DMXL1: variants seen among roughly 807,000 people sequenced by gnomAD.
DMXL1 encodes dmX-like protein 1.
A neutral mutation model predicts 319.2 loss-of-function variants in DMXL1; 99 were observed. The ratio of observed to expected loss-of-function variants is 0.31; its 90% CI spans 0.26 to 0.37. DMXL1 has a LOEUF of 0.37. Ranked by LOEUF, DMXL1 falls within the 10% of genes least tolerant of loss-of-function variation. The pLI is 1.00. For missense variants in DMXL1, 3,745 were observed against 3,595.6 expected, an observed-to-expected ratio of 1.04 and a Z score of -1.06; for synonymous variants, 1,385 against 1,235.2, an observed-to-expected ratio of 1.12 and a Z score of -2.54.
chr5:119,235,354 G>C (rs1275829502), intron 39 of DMXL1, among the ~76,000 whole-genome samples: 1 of 152,092 alleles, frequency 6.6e-6, no homozygotes, highest in African/African-American at 2.4e-5. Context: ...AAACAGAAAA[G>C]AGTTATTGGA....
At chr5:119,218,811 C>CT (rs1185116097) in intron 35 of DMXL1, among the ~76,000 whole-genome samples, 1 of 152,176 alleles carries the variant, frequency 6.6e-6, no homozygotes, top group Non-Finnish European at 1.5e-5. Context: ...AATAATACCT[C>CT]TTGCTTTAAG....
At chr5:119,091,088 T>C (rs1455188237) in intron 1 of DMXL1, among the ~76,000 whole-genome samples, 1 of 152,224 alleles carries the variant, frequency 6.6e-6, no homozygotes. Context: ...GATGACTGAA[T>C]AGTTGTTTCC....
intron 32 of DMXL1, among the ~76,000 whole-genome samples, chr5:119,202,609 T>G (rs1224381675): frequency 6.6e-6 from 1 of 152,014 alleles, no homozygotes; most frequent in Non-Finnish European, 1.5e-5. Context: ...GCCAGCACTT[T>G]GGAAGGCCGA....
At chr5:119,201,668 C>T (rs984213136) in intron 32 of DMXL1, among the ~76,000 whole-genome samples, 2 of 151,982 alleles carry the variant, frequency 1.3e-5, no homozygotes, top group Non-Finnish European at 2.9e-5. Context: ...TTGTACATTT[C>T]GTAGAATTTG....
intron 1 of DMXL1, among the ~76,000 whole-genome samples, chr5:119,088,098 A>C (rs1171439242): frequency 6.6e-6 from 1 of 152,166 alleles, no homozygotes; most frequent in Non-Finnish European, 1.5e-5. Flanking sequence ...CACCAAGCCC[A>C]GCAGTGTTTG....
At chr5:119,239,462 C>T (rs75024393) in intron 41 of DMXL1, among the ~76,000 whole-genome samples, 4,224 of 152,230 alleles carry the variant, frequency 0.028, 183 homozygotes, top group African/African-American at 0.096. Context: ...TTGGTCCCCC[C>T]ACACAGTAGA....
At chr5:119,180,994 A>T (rs1776678365) in intron 28 of DMXL1, among the ~76,000 whole-genome samples, 1 of 152,216 alleles carries the variant, frequency 6.6e-6, no homozygotes, top group African/African-American at 2.4e-5. Context: ...AATTTCATCC[A>T]TTTTTCCTGA....
chr5:119,222,732 G>A (rs1049187230), intron 37 of DMXL1, among the ~76,000 whole-genome samples: 4 of 151,976 alleles, frequency 2.6e-5, no homozygotes, highest in Admixed American at 2.0e-4. Flanking sequence ...TCATTAATAG[G>A]GCCCTACAAA....
Position 119,189,870 on chromosome 5 carries a change from A to T in DMXL1, c.7298A>T (p.Asp2433Val). 5 of 1,613,638 alleles carry T rather than the reference A, an allele frequency of 3.1e-6. No homozygotes were observed. Among genetic ancestry groups the T allele is most frequent in the Non-Finnish European group, 4.2e-6 (5 of 1,179,716 alleles). ...ATCCCACCTGAGCTCAGTATCTGGG[A>T]CTATTTCATAGCTAAGGTAATTAAA... is the stretch of plus-strand genomic sequence containing the variant. ...KFIPPELSIW[D>V]YFIAKPFLPS... Residue 2433 changes from aspartate (D) to valine (V), a missense_variant, in exon 29 of 44, where the codon GAC becomes GTC. By Grantham distance (152) the Asp-to-Val change is radical. Transcript: ENST00000539542.
At chr5:119,075,523 G>GCC (rs1215184270) in intron 1 of DMXL1, among the ~76,000 whole-genome samples, 1 of 152,086 alleles carries the variant, frequency 6.6e-6, no homozygotes, top group East Asian at 1.9e-4. Context: ...ACAGGCGTGA[G>GCC]CCACCGCGCC....
In DMXL1 at chr5:119,221,042, A is replaced by T. The variant is rs779828647; in HGVS notation, c.8238A>T (p.Pro2746=). 1 of 1,613,820 alleles carries T rather than the reference A, an allele frequency of 6.2e-7. No homozygotes were observed. The highest frequency in any genetic ancestry group is 1.7e-5 in the Admixed American group (1 of 59,998). The change falls in exon 37 of 44, where the codon CCA becomes CCT. Residue 2746 remains proline, a synonymous_variant. Transcript: ENST00000539542. ...HSNPGTPINM[P]WLGSTQTGRG... is the part of the protein sequence containing the mutation. ...ATCCTGGCACTCCAATCAACATGCCATGGCTTGGTAGTACACAGACTGGCA... is the reference window on the plus strand; with the variant it reads ...ATCCTGGCACTCCAATCAACATGCCTTGGCTTGGTAGTACACAGACTGGCA...
chr5:119,077,551 T>A (rs1325116488), intron 1 of DMXL1, among the ~76,000 whole-genome samples: 1 of 135,194 alleles, frequency 7.4e-6, no homozygotes, highest in East Asian at 2.4e-4. Flanking sequence ...ACAGTGGATC[T>A]CAGCTCACTG....
intron 1 of DMXL1, among the ~76,000 whole-genome samples, chr5:119,082,134 CAG>C (rs1752388666): frequency 6.6e-6 from 1 of 151,174 alleles, no homozygotes; most frequent in African/African-American, 2.4e-5. Flanking sequence ...TTTTTAGAGA[CAG>C]AGTCTTACAG....
intron 35 of DMXL1, 75 bp from the exon 36 acceptor site, chr5:119,220,397 C>A: frequency 3.6e-6 from 5 of 1,398,572 alleles, no homozygotes; most frequent in Non-Finnish European, 4.9e-6. Context: ...TTCAAAACTA[C>A]CATTTTCAAA....
At chr5:119,201,331 G>T (rs1780673223) in intron 32 of DMXL1, among the ~76,000 whole-genome samples, 1 of 152,106 alleles carries the variant, frequency 6.6e-6, no homozygotes, top group South Asian at 2.1e-4. Context: ...TAATTATGTG[G>T]TTTTTGTCTT....
At chr5:119,136,435 A>G (rs2150066926) in intron 13 of DMXL1, among the ~76,000 whole-genome samples, 1 of 152,378 alleles carries the variant, frequency 6.6e-6, no homozygotes, top group South Asian at 2.1e-4. Flanking sequence ...TCATTCCTGG[A>G]GAAGAATTCA....
At chr5:119,220,873 G>A in intron 36 of DMXL1, 67 bp from the exon 37 acceptor site, 5 of 1,544,788 alleles carry the variant, frequency 3.2e-6, no homozygotes, top group Non-Finnish European at 4.4e-6. Flanking sequence ...TCAAATTTTA[G>A]ACCTTTCAAG....
intron 28 of DMXL1, 136 bp downstream of exon 28, chr5:119,178,380 A>G (rs1776213115): frequency 9.7e-7 from 1 of 1,026,160 alleles, no homozygotes. Context: ...ACAAATAGTC[A>G]TACAGTGAAA....
In DMXL1 at chr5:119,071,443, C is replaced by T. The variant is rs190451431; in HGVS notation, c.-127C>T. On this transcript the variant is annotated 5_prime_UTR_variant, in exon 1 of 44. Transcript: ENST00000539542. ...AGCTGAGCGGCTCCGGCTCCAGGCGCCTGTCGCTGCTTCTGCCGTCGCCAC... is the reference window on the plus strand; with the variant it reads ...AGCTGAGCGGCTCCGGCTCCAGGCGTCTGTCGCTGCTTCTGCCGTCGCCAC... The T allele has an allele frequency of 2.2e-6, 2 of 926,938 alleles. No homozygotes were observed. The highest frequency in any genetic ancestry group is 3.4e-6 in the Non-Finnish European group (2 of 596,106). 57.4% of individuals were successfully genotyped at this position (926,938 alleles called of 1,614,324 possible).
Sources: allele counts gnomAD v4.1 joint callset (sites outside exome capture counted in the v4.1 genomes callset), GRCh38; gene constraint gnomAD v4.1.1; transcripts MANE v1.5; gene names NCBI Gene and HGNC (gene_info 2026-07-23, HGNC 2026-07-21).